Variants in RXFP1 observed in about 807,000 individuals in gnomAD.
RXFP1 encodes the protein relaxin family peptide receptor 1.
In RXFP1, 73 loss-of-function variants were observed where a neutral mutation model predicts 89.8. The observed-to-expected ratio is 0.81, with a 90% CI of 0.67 to 0.99. The LOEUF is 0.99. Among genes scored for constraint, RXFP1 ranks in the 50% least tolerant of loss-of-function variants. The pLI is 0.00. For missense variants in RXFP1, 793 were observed against 895.5 expected, an observed-to-expected ratio of 0.89 and a Z score of 1.46; for synonymous variants, 277 against 305.5, an observed-to-expected ratio of 0.91 and a Z score of 0.97.
At chr4:158,553,907 G>T (rs1363771361) in intron 1 of RXFP1, among the ~76,000 whole-genome samples, 3 of 152,142 alleles carry the variant, frequency 2.0e-5, no homozygotes, top group Non-Finnish European at 4.4e-5. Flanking sequence ...AAATGGCATT[G>T]AATGGTTTCC....
In RXFP1 at chr4:158,598,941, G is replaced by A. The variant is rs141011970; in HGVS notation, c.287-385G>A. 7.9e-3 allele frequency among the ~76,000 whole-genome samples: 1,199 copies of A among 151,668 alleles called. 10 individuals are homozygous for A. Among genetic ancestry groups the A allele is most frequent in the African/African-American group, 0.027 (1,121 of 41,412 alleles). On this transcript the variant is annotated intron_variant, in intron 3 of 17. Transcript: ENST00000307765. ...TATACTAAATACTTTATTTTTAAGT[G>A]GCAGTTGTAGTATGAACATTAAGCC...
At position 158,533,108 on chromosome 4, in the gene RXFP1, CT is replaced by C. The variant is rs536146562; in HGVS notation, c.49+11084del. Among the ~76,000 whole-genome samples the C allele has an allele frequency of 3.0e-4, 45 of 152,318 alleles. No homozygotes were observed. In the East Asian group the frequency reaches 5.0e-3, roughly 17 times the overall value. ...AGAGGTTGTGGAAAGACTGGATGTT[CT>C]GTGTCCTTCGTTACTGGATCTTAAT... On this transcript the variant is annotated intron_variant, in intron 1 of 17. Coordinates refer to ENST00000307765, the MANE Select transcript of RXFP1 (RefSeq NM_021634.4).
chr4:158,626,460 C>G (rs894554566), intron 9 of RXFP1, among the ~76,000 whole-genome samples: 26 of 151,978 alleles, frequency 1.7e-4, no homozygotes, highest in African/African-American at 6.0e-4. Flanking sequence ...CCATCGGTAA[C>G]TTTGGACAAA....
At chr4:158,548,847 T>A (rs1314783379) in intron 1 of RXFP1, among the ~76,000 whole-genome samples, 6 of 152,244 alleles carry the variant, frequency 3.9e-5, no homozygotes, top group East Asian at 1.9e-4. Context: ...CTTCCCTTTG[T>A]GGGTAACCCG....
At chr4:158,632,040 C>T (rs1768140933) in intron 11 of RXFP1, among the ~76,000 whole-genome samples, 1 of 152,120 alleles carries the variant, frequency 6.6e-6, no homozygotes, top group Admixed American at 6.5e-5. Flanking sequence ...TGCAGTGAGC[C>T]GTTTGTGCCA....
chr4:158,525,848 G>A (rs960214567), intron 1 of RXFP1, among the ~76,000 whole-genome samples: 3 of 152,174 alleles, frequency 2.0e-5, no homozygotes, highest in East Asian at 3.8e-4. Flanking sequence ...ATGTTACAAA[G>A]GAGATTTGAA....
chr4:158,580,900 T>C (rs750366903), intron 2 of RXFP1, among the ~76,000 whole-genome samples: 1 of 152,100 alleles, frequency 6.6e-6, no homozygotes, highest in Non-Finnish European at 1.5e-5. Flanking sequence ...CAGGTTCAAG[T>C]GATTCTCCTG....
At chr4:158,544,770 C>T (rs1337875262) in intron 1 of RXFP1, among the ~76,000 whole-genome samples, 1 of 152,152 alleles carries the variant, frequency 6.6e-6, no homozygotes, top group East Asian at 1.9e-4. Context: ...CTAAAAAGGA[C>T]ATGAACTCTT....
At chr4:158,629,059 TG>T in intron 11 of RXFP1, among the ~76,000 whole-genome samples, 1 of 151,784 alleles carries the variant, frequency 6.6e-6, no homozygotes, top group Middle Eastern at 3.2e-3. Flanking sequence ...TTTTTTGTTT[TG>T]TTTGTTTTGA....
At chr4:158,587,591 GT>G (rs1193034524) in intron 2 of RXFP1, among the ~76,000 whole-genome samples, 1 of 152,088 alleles carries the variant, frequency 6.6e-6, no homozygotes, top group African/African-American at 2.4e-5. Flanking sequence ...CCCACAAAAG[GT>G]GAAATTCTAT....
chr4:158,533,825 T>C (rs1744645955), intron 1 of RXFP1, among the ~76,000 whole-genome samples: 1 of 152,110 alleles, frequency 6.6e-6, no homozygotes, highest in Admixed American at 6.5e-5. Flanking sequence ...GTAACTTTTA[T>C]TTTTAATCTC....
intron 1 of RXFP1, among the ~76,000 whole-genome samples, chr4:158,552,627 T>G (rs527344285): frequency 6.6e-6 from 1 of 152,294 alleles, no homozygotes; most frequent in East Asian, 1.9e-4. Context: ...AGGTTCAAGT[T>G]ACAAAATAGA....
At chr4:158,537,997 A>G (rs1397179168) in intron 1 of RXFP1, among the ~76,000 whole-genome samples, 1 of 152,216 alleles carries the variant, frequency 6.6e-6, no homozygotes, top group Non-Finnish European at 1.5e-5. Flanking sequence ...GCAGGCACTC[A>G]GATAGGTGGA....
At chr4:158,552,847 T>C (rs888358873) in intron 1 of RXFP1, among the ~76,000 whole-genome samples, 3 of 152,166 alleles carry the variant, frequency 2.0e-5, no homozygotes, top group African/African-American at 7.2e-5. Context: ...TAATGTTATG[T>C]TCAACAGATT....
At chr4:158,558,657 G>T (rs987449902) in intron 1 of RXFP1, among the ~76,000 whole-genome samples, 3 of 152,096 alleles carry the variant, frequency 2.0e-5, no homozygotes, top group Non-Finnish European at 2.9e-5. Context: ...TAGGGAAGTT[G>T]TATAAAATAC....
At chr4:158,606,237 A>G (rs1203780433) in intron 5 of RXFP1, among the ~76,000 whole-genome samples, 1 of 152,202 alleles carries the variant, frequency 6.6e-6, no homozygotes, top group Non-Finnish European at 1.5e-5. Flanking sequence ...GAGCTAGACT[A>G]CAAATCTAAA....
chr4:158,529,087 G>A (rs66478844), intron 1 of RXFP1, among the ~76,000 whole-genome samples: 27,662 of 152,070 alleles, frequency 0.18, 3,182 homozygotes, highest in African/African-American at 0.3. Context: ...ACCTTTGTGG[G>A]GATTGAAAGG....
intron 2 of RXFP1, among the ~76,000 whole-genome samples, chr4:158,579,081 G>A (rs546506548): frequency 2.6e-4 from 39 of 150,210 alleles, no homozygotes; most frequent in African/African-American, 9.3e-4. Flanking sequence ...GAGAGAAGAG[G>A]GCTGTGTGAA....
At chr4:158,535,991 A>G (rs528188507) in intron 1 of RXFP1, among the ~76,000 whole-genome samples, 2 of 152,372 alleles carry the variant, frequency 1.3e-5, no homozygotes, top group South Asian at 2.1e-4. Context: ...GTCTCATACT[A>G]TAATGGACAA....
Sources: gnomAD v4.1 joint callset for allele counts (sites outside exome capture counted in the v4.1 genomes callset) on GRCh38, gnomAD v4.1.1 for gene constraint, MANE v1.5 for transcripts, NCBI Gene and HGNC (gene_info 2026-07-23, HGNC 2026-07-21) for gene names.